The following CADM1 variants were observed in gnomAD, a reference collection of about 807,000 sequenced individuals.
CADM1 encodes TSLC-1.
In CADM1, 15 loss-of-function variants were observed where a neutral mutation model predicts 53.1. The ratio of observed to expected loss-of-function variants is 0.28; its 90% confidence interval spans 0.19 to 0.44. CADM1 has a LOEUF of 0.44. Ranked by LOEUF, CADM1 falls within the 20% of genes least tolerant of loss-of-function variation. The pLI, the probability that CADM1 is intolerant of heterozygous loss-of-function variation, is 1.00. For missense variants in CADM1, 434 were observed against 611.3 expected (o/e 0.71, Z 3.06); for synonymous variants, 281 against 243.0 (o/e 1.16, Z -1.45).
Position 115,173,639 on chromosome 11 carries a change from T to G in CADM1, c.*2835A>C, listed in dbSNP as rs938610235. 1 of 330,010 alleles carries G rather than the reference T, an allele frequency of 3.0e-6. No individual in the cohort carries two copies. Among genetic ancestry groups the G allele is most frequent in the Non-Finnish European group, 4.3e-6 (1 of 234,020 alleles). The allele number at this position is 330,010 out of a possible 1,614,324, so 20.4% of individuals were successfully genotyped here. On this transcript the variant is annotated 3_prime_UTR_variant, in exon 12 of 12. Transcript: ENST00000331581. The stretch of plus-strand genomic sequence containing the variant: ...AGATTAAAGGATCACTTTGTAACAT[T>G]AATTTTTTTTTATTAAGAAGACAGA...
At chr11:115,344,345 TA>T (rs1179672914) in intron 1 of CADM1, among the ~76,000 whole-genome samples, 3 of 152,212 alleles carry the variant, frequency 2.0e-5, no homozygotes, top group Non-Finnish European at 4.4e-5. Flanking sequence ...ATTTCTCCTT[TA>T]ACTATCATTT....
chr11:115,377,540 C>G (rs1031233919), intron 1 of CADM1: 10 of 152,136 alleles, frequency 6.6e-5, no homozygotes, highest in Non-Finnish European at 1.5e-4. Context: ...ACAAATCTGA[C>G]AATGAATAAA....
intron 1 of CADM1, among the ~76,000 whole-genome samples, chr11:115,361,335 A>T (rs1946024325): frequency 6.6e-6 from 1 of 152,234 alleles, no homozygotes; most frequent in African/African-American, 2.4e-5. Context: ...ATAATGAAGT[A>T]GTATCAGAGT....
At chr11:115,275,085 T>C (rs1404503060) in intron 1 of CADM1, among the ~76,000 whole-genome samples, 2 of 152,178 alleles carry the variant, frequency 1.3e-5, no homozygotes, top group Non-Finnish European at 2.9e-5. Flanking sequence ...GAAAACCCAC[T>C]CCTTTCAATT....
At chr11:115,277,112 T>C (rs528681008) in intron 1 of CADM1, among the ~76,000 whole-genome samples, 1 of 152,330 alleles carries the variant, frequency 6.6e-6, no homozygotes, top group East Asian at 1.9e-4. Flanking sequence ...CGGGAACATA[T>C]TGCTGACCAG....
rs118040463 is a variant in CADM1, at chr11:115,458,755, A to G, written c.124+45516T>C. ...ATGTACCAATAACATCCCACCAGAC[A>G]TAATTTCCATTAACAGGTCCTCCAG... On this transcript the variant is annotated intron_variant, in intron 1 of 11. Coordinates refer to ENST00000331581, the MANE Select transcript of CADM1 (RefSeq NM_001301043.2). Among the ~76,000 whole-genome samples the G allele has an allele frequency of 8.7e-4, 132 of 152,178 alleles. 1 individual carries two copies. The East Asian group carries it at 0.023, about 27-fold the overall frequency.
intron 1 of CADM1, among the ~76,000 whole-genome samples, chr11:115,355,793 G>C (rs1274912467): frequency 1.3e-5 from 2 of 151,898 alleles, no homozygotes; most frequent in African/African-American, 4.8e-5. Flanking sequence ...TATACTTTAT[G>C]CATCGTATTA....
intron 1 of CADM1, among the ~76,000 whole-genome samples, chr11:115,244,205 A>G (rs746187511): frequency 1.6e-4 from 24 of 152,268 alleles, no homozygotes; most frequent in Non-Finnish European, 2.6e-4. Context: ...AAAGAAAGAT[A>G]AAATATATTT....
At chr11:115,338,242 C>T (rs1171422133) in intron 1 of CADM1, among the ~76,000 whole-genome samples, 1 of 152,212 alleles carries the variant, frequency 6.6e-6, no homozygotes, top group Non-Finnish European at 1.5e-5. Context: ...TTCACAAAAA[C>T]CCTAAGAGGT....
At chr11:115,488,381 C>T (rs992339386) in intron 1 of CADM1, among the ~76,000 whole-genome samples, 3 of 152,306 alleles carry the variant, frequency 2.0e-5, no homozygotes, top group African/African-American at 7.2e-5. Flanking sequence ...GCCCTCCTCC[C>T]CCTCCCAATA....
chr11:115,191,906 G>A (rs1028424923), intron 9 of CADM1, among the ~76,000 whole-genome samples: 2 of 152,172 alleles, frequency 1.3e-5, no homozygotes, highest in East Asian at 3.9e-4. Flanking sequence ...TGTCCCTTTT[G>A]AAGATGTCTG....
intron 5 of CADM1, 28 bp downstream of exon 5, chr11:115,229,085 C>T (rs756796345): frequency 1.9e-6 from 3 of 1,612,580 alleles, no homozygotes; most frequent in Non-Finnish European, 2.5e-6. Context: ...AACTCTACGC[C>T]CTCAGAATAA....
intron 8 of CADM1, among the ~76,000 whole-genome samples, chr11:115,203,415 A>G (rs1940530950): frequency 6.6e-6 from 1 of 152,148 alleles, no homozygotes; most frequent in South Asian, 2.1e-4. Context: ...AGTGATGGAG[A>G]CAGGAAAGAG....
chr11:115,498,494 C>T (rs1363891971), intron 1 of CADM1, among the ~76,000 whole-genome samples: 2 of 152,200 alleles, frequency 1.3e-5, no homozygotes, highest in Admixed American at 6.5e-5. Context: ...GTCTCGCCAA[C>T]GGTGCTTTCC....
intron 1 of CADM1, chr11:115,240,990 C>T (rs1476154778): frequency 1.3e-5 from 2 of 155,930 alleles, no homozygotes; most frequent in African/African-American, 2.4e-5. Flanking sequence ...GCTTAGGGTT[C>T]GGAGTTTGTT....
At chr11:115,239,453 T>G (rs988272138) in intron 2 of CADM1, among the ~76,000 whole-genome samples, 1 of 152,214 alleles carries the variant, frequency 6.6e-6, no homozygotes, top group Non-Finnish European at 1.5e-5. Flanking sequence ...GCCTCTTATT[T>G]AGTTCAAATG....
At chr11:115,229,067 G>A (rs1941720606) in intron 5 of CADM1, 46 bp downstream of exon 5, 2 of 1,585,680 alleles carry the variant, frequency 1.3e-6, no homozygotes, top group South Asian at 2.2e-5. Context: ...GAGTTTCTAT[G>A]TAACTGCAAC....
Position 115,483,147 on chromosome 11 carries a change from A to G in CADM1, c.124+21124T>C, listed in dbSNP as rs1336348606. Among the ~76,000 whole-genome samples, 5 of 152,214 alleles carry G rather than the reference A, an allele frequency of 3.3e-5. No homozygotes were observed. In the East Asian group the frequency reaches 7.7e-4, roughly 23 times the overall value. On this transcript the variant is annotated intron_variant, in intron 1 of 11. Transcript: ENST00000331581. ...AGCTGTCAGTTATGGATTTGAAAATAAAGACGAGTCTGAAAATTATACGTT... is the reference window on the plus strand; with the variant it reads ...AGCTGTCAGTTATGGATTTGAAAATGAAGACGAGTCTGAAAATTATACGTT...
At position 115,358,310 on chromosome 11, in the gene CADM1, C is replaced by A. The variant is rs556512014; in HGVS notation, c.125-117890G>T. On this transcript the variant is annotated intron_variant, in intron 1 of 11. Transcript: ENST00000331581. ...TTTTCACGCTGCTGATAAAGACATA[C>A]TGGAGACTGGGTAATTATAAAGAAA... Among the ~76,000 whole-genome samples the A allele has an allele frequency of 1.7e-4, 26 of 152,244 alleles. No homozygotes were observed. The South Asian group carries it at 5.4e-3, about 32-fold the overall frequency.
Sources: allele counts gnomAD v4.1 joint callset (sites outside exome capture counted in the v4.1 genomes callset), GRCh38; gene constraint gnomAD v4.1.1; transcripts MANE v1.5; gene names NCBI Gene and HGNC (gene_info 2026-07-23, HGNC 2026-07-21).